The following ELOVL5 variants were observed in gnomAD, a reference collection of about 807,000 sequenced individuals.
ELOVL5 encodes very long chain fatty acid elongase 5.
ELOVL5 carries 8 observed loss-of-function variants against 38.6 expected under a neutral mutation model. The observed-to-expected ratio is 0.21, with a 90% confidence interval of 0.12 to 0.37. The LOEUF is 0.37. Among genes scored for constraint, ELOVL5 ranks in the 10% least tolerant of loss-of-function variants. The pLI, the probability that ELOVL5 is intolerant of heterozygous loss-of-function variation, is 1.00. For synonymous variants in ELOVL5, 127 were observed against 133.7 expected, an observed-to-expected ratio of 0.95 and a Z score of 0.34; for missense variants, 280 against 367.8, an observed-to-expected ratio of 0.76 and a Z score of 1.95.
chr6:53,312,748 A>G (rs905513546), intron 1 of ELOVL5, among the ~76,000 whole-genome samples: 4 of 152,228 alleles, frequency 2.6e-5, no homozygotes, highest in African/African-American at 9.6e-5. Context: ...TTTTAAAAAA[A>G]TCTACGACCA....
chr6:53,276,899 A>AC (rs1343576408), intron 3 of ELOVL5: 2 of 151,070 alleles, frequency 1.3e-5, no homozygotes, highest in African/African-American at 4.9e-5. Context: ...GGCTTCACAA[A>AC]CTGAAGGCTT....
chr6:53,311,058 T>C (rs1022915640), intron 1 of ELOVL5, among the ~76,000 whole-genome samples: 1 of 152,110 alleles, frequency 6.6e-6, no homozygotes, highest in African/African-American at 2.4e-5. Context: ...TGTGGCTAAA[T>C]GAGCTGACAG....
intron 1 of ELOVL5, among the ~76,000 whole-genome samples, chr6:53,324,035 T>C (rs1193424634): frequency 1.3e-5 from 2 of 152,026 alleles, no homozygotes; most frequent in African/African-American, 2.4e-5. Flanking sequence ...GGCTGATCAA[T>C]TGAGGTCAGG....
At chr6:53,307,923 G>C (rs1767661485) in intron 1 of ELOVL5, among the ~76,000 whole-genome samples, 1 of 152,126 alleles carries the variant, frequency 6.6e-6, no homozygotes, top group South Asian at 2.1e-4. Flanking sequence ...CAGAGGTTGG[G>C]TGGAGCCAGA....
intron 1 of ELOVL5, 131 bp from the exon 2 acceptor site, chr6:53,295,838 A>G (rs1338753231): frequency 1.8e-6 from 1 of 550,334 alleles, no homozygotes; most frequent in East Asian, 3.5e-5. Context: ...CCTTAGGTTA[A>G]AAGAATTTAA....
intron 1 of ELOVL5, among the ~76,000 whole-genome samples, chr6:53,340,269 T>C (rs1769272376): frequency 6.6e-6 from 1 of 152,014 alleles, no homozygotes; most frequent in Non-Finnish European, 1.5e-5. Flanking sequence ...AAAAAAACTT[T>C]TATTATAAAT....
chr6:53,305,306 AG>A (rs1767457809), intron 1 of ELOVL5, among the ~76,000 whole-genome samples: 2 of 70,808 alleles, frequency 2.8e-5, no homozygotes, highest in African/African-American at 1.4e-4. Context: ...CCTCCCGGAC[AG>A]GGCGGCTGGC....
At chr6:53,337,611 T>G (rs1040723558) in intron 1 of ELOVL5, among the ~76,000 whole-genome samples, 1 of 152,188 alleles carries the variant, frequency 6.6e-6, no homozygotes, top group Non-Finnish European at 1.5e-5. Flanking sequence ...CTGGTTATAT[T>G]TGAAAGGTAC....
chr6:53,284,169 A>G (rs1766472987), intron 3 of ELOVL5, among the ~76,000 whole-genome samples: 1 of 152,164 alleles, frequency 6.6e-6, no homozygotes, highest in Non-Finnish European at 1.5e-5. Context: ...AGCTGGGCAC[A>G]GTGGCATGCT....
At chr6:53,305,525 G>A (rs1434814289) in intron 1 of ELOVL5, among the ~76,000 whole-genome samples, 5 of 150,434 alleles carry the variant, frequency 3.3e-5, no homozygotes, top group Middle Eastern at 3.6e-3. Flanking sequence ...CTTCTCAGAC[G>A]GGGCGGCCGG....
At position 53,294,031 on chromosome 6, in the gene ELOVL5, C is replaced by G. The variant is rs367641417; in HGVS notation, c.58+1611G>C. On this transcript the variant is annotated intron_variant, in intron 2 of 7. Transcript: ENST00000304434. ...TTCCCACTTAGCAACTAACATCAGA[C>G]TGTTATTTTGTATGAACATATATAT... The G allele has an allele frequency of 1.2e-5, 14 of 1,132,538 alleles. No individual in the cohort carries two copies. In the South Asian group the frequency reaches 4.2e-4, roughly 34 times the overall value. The allele number at this position is 1,132,538 out of a possible 1,614,324, so 70.2% of individuals were successfully genotyped here.
chr6:53,268,962 T>A lies in ELOVL5; in HGVS notation c.*165A>T. The A allele has an allele frequency of 1.4e-6, 1 of 726,254 alleles. No homozygotes were observed. The highest frequency in any genetic ancestry group is 2.1e-5 in the South Asian group (1 of 48,238). 45.0% of individuals were successfully genotyped at this position (726,254 alleles called of 1,614,324 possible). A position where few individuals can be genotyped will look rare whatever the true frequency, so the allele number is the denominator to read the frequency against. On this transcript the variant is annotated 3_prime_UTR_variant, in exon 8 of 8. Transcript: ENST00000304434. ...AGAAATCTTATCCCTACTTATATAATCTGTATACGTTTTCTAGGGGTTTTG... is the reference window on the plus strand; with the variant it reads ...AGAAATCTTATCCCTACTTATATAAACTGTATACGTTTTCTAGGGGTTTTG...
At chr6:53,275,466 A>T (rs1232720058) in intron 4 of ELOVL5, among the ~76,000 whole-genome samples, 4 of 152,188 alleles carry the variant, frequency 2.6e-5, no homozygotes, top group Non-Finnish European at 4.4e-5. Context: ...GGGTTGGGAC[A>T]GCTGGAGGGG....
chr6:53,319,311 A>AAAAAAAAAAAAAAAAC, intron 1 of ELOVL5, among the ~76,000 whole-genome samples: 1 of 137,302 alleles, frequency 7.3e-6, no homozygotes, highest in Admixed American at 9.4e-5. Context: ...AAAAAAAAAA[A>AAAAAAAAAAAAAAAAC]AAAAAGAAAG....
In ELOVL5 at chr6:53,291,920, G is replaced by A. The variant is rs374432575; in HGVS notation, c.102C>T (p.Pro34=). The part of the protein sequence containing the change: ...KGWFLLDNYI[P]TFICSVIYLL... The stretch of plus-strand genomic sequence containing the variant: ...AATATATGACAGAGCAGATAAATGT[G>A]GGTATATAATTGTCCAGAAGAAACC... Residue 34 remains proline, a synonymous_variant, in exon 3 of 8, where the codon CCC becomes CCT. Transcript: ENST00000304434. 12 of 1,608,936 alleles carry A rather than the reference G, an allele frequency of 7.5e-6. No homozygotes were observed. Among genetic ancestry groups the A allele is most frequent in the African/African-American group, 1.3e-5 (1 of 74,710 alleles).
At chr6:53,329,783 C>T (rs1319311052) in intron 1 of ELOVL5, among the ~76,000 whole-genome samples, 1 of 152,076 alleles carries the variant, frequency 6.6e-6, no homozygotes, top group Non-Finnish European at 1.5e-5. Context: ...AAAATCATGC[C>T]ATCGCACTCA....
rs143728502 is a variant in ELOVL5, at chr6:53,282,706, C to T, written c.247-6450G>A. Among the ~76,000 whole-genome samples, 298 of 152,292 alleles carry T rather than the reference C, an allele frequency of 2.0e-3. 2 individuals are homozygous for T. Among genetic ancestry groups the T allele is most frequent in the African/African-American group, 6.9e-3 (286 of 41,566 alleles). ...ACCAGATGTTTCAACTGCTCTATACCTCTGCTAAATGGGAAAAAGAACAGC... is the reference window on the plus strand; with the variant it reads ...ACCAGATGTTTCAACTGCTCTATACTTCTGCTAAATGGGAAAAAGAACAGC... On this transcript the variant is annotated intron_variant, in intron 3 of 7. Coordinates refer to ENST00000304434, the MANE Select transcript of ELOVL5 (RefSeq NM_021814.5).
At position 53,348,931 on chromosome 6, in the gene ELOVL5, G is replaced by C. The variant is rs1254152819; in HGVS notation, c.-123C>G. On this transcript the variant is annotated 5_prime_UTR_variant, in exon 1 of 8. Coordinates refer to ENST00000304434, the MANE Select transcript of ELOVL5 (RefSeq NM_021814.5). ...TGTAGAAGGAGACACCGGTGGCTAG[G>C]ACCCGCGCGATGGGAAGAGGAAGGC... 1 of 438,448 alleles carries C rather than the reference G, an allele frequency of 2.3e-6. No homozygotes were observed. The highest frequency in any genetic ancestry group is 2.1e-5 in the African/African-American group (1 of 48,172). The allele number at this position is 438,448 out of a possible 1,614,324, so 27.2% of individuals were successfully genotyped here. A position where few individuals can be genotyped will look rare whatever the true frequency, so the allele number is the denominator to read the frequency against.
At chr6:53,302,184 C>A (rs1279450703) in intron 1 of ELOVL5, among the ~76,000 whole-genome samples, 1 of 152,182 alleles carries the variant, frequency 6.6e-6, no homozygotes, top group Non-Finnish European at 1.5e-5. Context: ...TAAAGAGAGT[C>A]CTGCTCATGT....
Sources: allele counts gnomAD v4.1 joint callset (sites outside exome capture counted in the v4.1 genomes callset), GRCh38; gene constraint gnomAD v4.1.1; transcripts MANE v1.5; gene names NCBI Gene and HGNC (gene_info 2026-07-23, HGNC 2026-07-21).